Variants in NEO1 observed in about 807,000 individuals in gnomAD.
The protein encoded by NEO1 is neogenin.
A neutral mutation model predicts 159.7 loss-of-function variants in NEO1; 63 were observed. That is an observed-to-expected ratio of 0.39 (90% confidence interval 0.32 to 0.49). The LOEUF (loss-of-function observed/expected upper bound fraction) is 0.49. Among genes scored for constraint, NEO1 ranks in the 20% least tolerant of loss-of-function variants. NEO1 has a pLI of 0.85. For synonymous variants in NEO1, 633 were observed against 662.0 expected, an observed-to-expected ratio of 0.96 and a Z score of 0.67; for missense variants, 1,615 against 1,831.0, an observed-to-expected ratio of 0.88 and a Z score of 2.15.
At chr15:73,154,806 A>G (rs1018574762) in intron 5 of NEO1, among the ~76,000 whole-genome samples, 24 of 152,170 alleles carry the variant, frequency 1.6e-4, no homozygotes, top group Admixed American at 2.0e-4. Flanking sequence ...CCACCAATCT[A>G]TATCTTTTAA....
chr15:73,275,763 CTGTAACTGCCATGG>C (rs768956047), intron 21 of NEO1, among the ~76,000 whole-genome samples: 18 of 152,164 alleles, frequency 1.2e-4, no homozygotes, highest in Non-Finnish European at 2.4e-4. Context: ...AGTCTTTACA[CTGTAACTGCCATGG>C]TGGAGGGATA....
At chr15:73,185,025 A>C (rs2035841690) in intron 7 of NEO1, among the ~76,000 whole-genome samples, 1 of 152,230 alleles carries the variant, frequency 6.6e-6, no homozygotes, top group Non-Finnish European at 1.5e-5. Flanking sequence ...AAGTGAAAGA[A>C]GCCAATTTGA....
chr15:73,273,152 ACT>A (rs2041252341), intron 19 of NEO1, among the ~76,000 whole-genome samples: 1 of 151,884 alleles, frequency 6.6e-6, no homozygotes, highest in South Asian at 2.1e-4. Context: ...TAGAGGGGAC[ACT>A]CTGCCTTCCT....
intron 26 of NEO1, among the ~76,000 whole-genome samples, chr15:73,295,125 A>AAAATATATATAT (rs1555470480): frequency 1.0e-5 from 1 of 100,152 alleles, no homozygotes; most frequent in Non-Finnish European, 2.2e-5. Flanking sequence ...CTAAATATTA[A>AAAATATATATAT]ATATATATAT....
intron 7 of NEO1, among the ~76,000 whole-genome samples, chr15:73,233,349 A>C (rs2039011843): frequency 6.6e-6 from 1 of 152,164 alleles, no homozygotes; most frequent in Non-Finnish European, 1.5e-5. Context: ...TTGCTTTACA[A>C]ATGGTATATC....
intron 1 of NEO1, among the ~76,000 whole-genome samples, chr15:73,065,700 C>A (rs1478684032): frequency 6.6e-6 from 1 of 152,288 alleles, no homozygotes; most frequent in African/African-American, 2.4e-5. Context: ...TGTATTTATC[C>A]CGCTTATTGA....
chr15:73,054,733 G>C (rs773803627), intron 1 of NEO1, among the ~76,000 whole-genome samples: 3 of 152,144 alleles, frequency 2.0e-5, no homozygotes, highest in Admixed American at 6.5e-5. Flanking sequence ...AAACCGCTCT[G>C]CTTCATTACA....
intron 3 of NEO1, among the ~76,000 whole-genome samples, chr15:73,123,585 T>C (rs180855773): frequency 1.4e-4 from 21 of 152,316 alleles, no homozygotes; most frequent in Admixed American, 5.2e-4. Flanking sequence ...CTTCTTTTTG[T>C]GTGTCTTCTC....
upstream of NEO1, among the ~76,000 whole-genome samples, chr15:73,052,295 C>G (rs1232522051): frequency 1.1e-5 from 1 of 94,550 alleles, no homozygotes; most frequent in African/African-American, 4.0e-5. Flanking sequence ...CCGGGACTCC[C>G]GCCCCCCGCC....
intron 1 of NEO1, among the ~76,000 whole-genome samples, chr15:73,104,946 C>T (rs368852492): frequency 9.9e-5 from 15 of 152,274 alleles, no homozygotes; most frequent in African/African-American, 3.1e-4. Context: ...CCAGGCCTCA[C>T]CTCCAACACT....
chr15:73,274,027 G>A, intron 20 of NEO1, 22 bp downstream of exon 20: 1 of 1,605,590 alleles, frequency 6.2e-7, no homozygotes, highest in Non-Finnish European at 8.5e-7. Flanking sequence ...CAAGCTGAGG[G>A]TTTTGTTGTG....
At chr15:73,127,973 T>C (rs76866926) in intron 4 of NEO1, among the ~76,000 whole-genome samples, 458 of 152,296 alleles carry the variant, frequency 3.0e-3, no homozygotes, top group African/African-American at 0.01. Context: ...TTAATTTTTA[T>C]AGTTCAGTAT....
chr15:73,152,211 G>A (rs529030724), intron 5 of NEO1, among the ~76,000 whole-genome samples: 1 of 152,322 alleles, frequency 6.6e-6, no homozygotes, highest in Admixed American at 6.5e-5. Flanking sequence ...TCAGGGGCAG[G>A]CCTTAGGAAA....
In NEO1 at chr15:73,270,148, C is replaced by G. The variant is rs758166046; in HGVS notation, c.2633C>G (p.Ser878Trp). 1 of 1,614,144 alleles carries G rather than the reference C, an allele frequency of 6.2e-7. No homozygotes were observed. The highest frequency in any genetic ancestry group is 8.5e-7 in the Non-Finnish European group (1 of 1,180,028). The change falls in exon 17 of 29, where the codon TCG (serine) becomes TGG (tryptophan). Residue 878 changes from serine (S) to tryptophan (W), a missense_variant. Transcript: ENST00000261908. Reference sequence around the variant, plus strand: ...ATCAGGATTACGTGGGCAGACAACTCGCTGCCCAAGCACCAGAAGATTACA... The same window carrying G: ...ATCAGGATTACGTGGGCAGACAACTGGCTGCCCAAGCACCAGAAGATTACA... ...DTIRITWADN[S>W]LPKHQKITDS...
chr15:73,186,443 C>T (rs778858982), intron 7 of NEO1, among the ~76,000 whole-genome samples: 17 of 152,092 alleles, frequency 1.1e-4, no homozygotes, highest in Non-Finnish European at 1.9e-4. Flanking sequence ...TTGTTGCTGA[C>T]ATACCCATGC....
At chr15:73,138,755 CAAAAAAA>C (rs11368240) in intron 5 of NEO1, among the ~76,000 whole-genome samples, 13 of 109,252 alleles carry the variant, frequency 1.2e-4, no homozygotes, top group Middle Eastern at 4.8e-3. Context: ...GACTCCGTCT[CAAAAAAA>C]AAAAAAAAAC....
At chr15:73,284,239 T>C (rs1163735699) in intron 23 of NEO1, among the ~76,000 whole-genome samples, 14 of 152,208 alleles carry the variant, frequency 9.2e-5, no homozygotes, top group Admixed American at 9.2e-4. Context: ...TTAGTTGCAA[T>C]ATCTTGAAAG....
chr15:73,169,664 TG>T (rs2034822359), intron 5 of NEO1, among the ~76,000 whole-genome samples: 1 of 149,540 alleles, frequency 6.7e-6, no homozygotes, highest in Admixed American at 6.7e-5. Flanking sequence ...TTTTTTTTTT[TG>T]GAAGAGGCTT....
intron 7 of NEO1, among the ~76,000 whole-genome samples, chr15:73,206,226 C>T (rs1039181978): frequency 1.3e-5 from 2 of 151,966 alleles, no homozygotes; most frequent in Non-Finnish European, 2.9e-5. Flanking sequence ...TTTTTTATAA[C>T]AGCTTATTCT....
Sources: allele counts gnomAD v4.1 joint callset (sites outside exome capture counted in the v4.1 genomes callset), GRCh38; gene constraint gnomAD v4.1.1; transcripts MANE v1.5; gene names NCBI Gene and HGNC (gene_info 2026-07-23, HGNC 2026-07-21).